MAP3K7CL: variants seen among roughly 807,000 people sequenced by gnomAD.
The protein encoded by MAP3K7CL is MAP3K7 C-terminal-like protein.
A neutral mutation model predicts 18.6 loss-of-function variants in MAP3K7CL; 16 were observed. That is an observed-to-expected ratio of 0.86 (90% CI 0.58 to 1.31). The LOEUF is 1.31. Ranked by LOEUF, MAP3K7CL falls within the 50% of genes most tolerant of loss-of-function variation. The pLI is 0.00. For missense variants in MAP3K7CL, 163 were observed against 174.4 expected (o/e 0.93, Z 0.37); for synonymous variants, 65 against 66.8 (o/e 0.97, Z 0.13).
intron 4 of MAP3K7CL, among the ~76,000 whole-genome samples, chr21:29,160,392 A>T (rs914489223): frequency 7.2e-5 from 11 of 152,256 alleles, no homozygotes; most frequent in African/African-American, 2.7e-4. Flanking sequence ...ATTTCTGCTT[A>T]AATGATGGCA....
intron 4 of MAP3K7CL, among the ~76,000 whole-genome samples, chr21:29,107,313 TA>T (rs1291761203): frequency 1.3e-5 from 2 of 151,702 alleles, no homozygotes; most frequent in Non-Finnish European, 2.9e-5. Flanking sequence ...AGACTCCATC[TA>T]AAAAAAGGAA....
At chr21:29,087,589 CTTTTTTTTTTT>C (rs56775764) in intron 1 of MAP3K7CL, among the ~76,000 whole-genome samples, 1 of 104,354 alleles carries the variant, frequency 9.6e-6, no homozygotes, top group Non-Finnish European at 1.8e-5. Context: ...TTTTCTTTTT[CTTTTTTTTTTT>C]TTTTTTTTTT....
chr21:29,141,545 C>A (rs928028910), intron 2 of MAP3K7CL, among the ~76,000 whole-genome samples: 20 of 151,858 alleles, frequency 1.3e-4, no homozygotes, highest in African/African-American at 4.6e-4. Flanking sequence ...GAGAAATTGT[C>A]CTTAACTGAA....
At chr21:29,119,236 G>A (rs960532199) in intron 4 of MAP3K7CL, among the ~76,000 whole-genome samples, 2 of 152,226 alleles carry the variant, frequency 1.3e-5, no homozygotes, top group Non-Finnish European at 2.9e-5. Context: ...AATAGTCAAC[G>A]ATGGTTATTT....
intron 1 of MAP3K7CL, among the ~76,000 whole-genome samples, chr21:29,086,475 A>C (rs2085928025): frequency 6.6e-6 from 1 of 152,132 alleles, no homozygotes; most frequent in African/African-American, 2.4e-5. Context: ...GCTCTGGGGG[A>C]AATTAAGGAA....
rs375458094 is a variant in MAP3K7CL, at chr21:29,093,641, C to T, written c.370+1060C>T. 1.6e-4 allele frequency among the ~76,000 whole-genome samples: 25 copies of T among 152,018 alleles called. No homozygotes were observed. The South Asian group carries it at 4.4e-3, about 27-fold the overall frequency. Reference sequence around the variant, plus strand: ...GGACTGCCGGCACCCGCCACCACGCCGGGCTAATTTTTTGTATTTTTTTTT... The same window carrying T: ...GGACTGCCGGCACCCGCCACCACGCTGGGCTAATTTTTTGTATTTTTTTTT... On this transcript the variant is annotated intron_variant, in intron 4 of 6. Coordinates refer to the MAP3K7CL transcript ENST00000286791.
At chr21:29,129,966 T>A (rs138333468), upstream of MAP3K7CL, among the ~76,000 whole-genome samples, 770 of 152,366 alleles carry the variant, frequency 5.1e-3, 5 homozygotes, top group South Asian at 9.7e-3. Context: ...TAGTGAGATA[T>A]CTTTCAGATC....
chr21:29,169,886 T>A lies in MAP3K7CL; in HGVS notation c.249-4826T>A, dbSNP rs1326505168. ...AGGCAACAGATGAGCTATGGTGGAC[T>A]CCAAAGTTATGACCTTTTAGGCTAT... On this transcript the variant is annotated intron_variant, in intron 4 of 4. Coordinates refer to ENST00000399928, the MANE Select transcript of MAP3K7CL (RefSeq NM_001286620.2). Among the ~76,000 whole-genome samples the A allele has an allele frequency of 4.6e-5, 7 of 152,358 alleles. No homozygotes were observed. In the South Asian group the frequency reaches 6.2e-4, roughly 14 times the overall value.
At chr21:29,101,410 G>T (rs1477837325) in intron 4 of MAP3K7CL, among the ~76,000 whole-genome samples, 1 of 152,078 alleles carries the variant, frequency 6.6e-6, no homozygotes, top group Non-Finnish European at 1.5e-5. Context: ...TAACATGTTT[G>T]TTTTGTTTTG....
At chr21:29,150,684 C>A (rs1309463021) in intron 3 of MAP3K7CL, among the ~76,000 whole-genome samples, 1 of 151,954 alleles carries the variant, frequency 6.6e-6, no homozygotes, top group East Asian at 1.9e-4. Flanking sequence ...TAATTTTTAA[C>A]CATAGTCTCT....
At chr21:29,096,344 A>G (rs2146515199) in intron 4 of MAP3K7CL, among the ~76,000 whole-genome samples, 1 of 152,322 alleles carries the variant, frequency 6.6e-6, no homozygotes, top group South Asian at 2.1e-4. Context: ...GATCTCACAA[A>G]GCTCAGAGTC....
intron 3 of MAP3K7CL, among the ~76,000 whole-genome samples, chr21:29,153,498 A>G (rs2146701198): frequency 6.6e-6 from 1 of 152,286 alleles, no homozygotes; most frequent in South Asian, 2.1e-4. Flanking sequence ...CCCAGGCCAG[A>G]GTGCAGTGGC....
intron 1 of MAP3K7CL, among the ~76,000 whole-genome samples, chr21:29,086,878 C>T (rs1048749521): frequency 6.6e-6 from 1 of 152,222 alleles, no homozygotes; most frequent in Non-Finnish European, 1.5e-5. Flanking sequence ...AGTATTCACT[C>T]TGCACATTGT....
intron 4 of MAP3K7CL, among the ~76,000 whole-genome samples, chr21:29,092,992 C>G (rs1002254613): frequency 3.3e-5 from 5 of 152,198 alleles, no homozygotes; most frequent in Non-Finnish European, 7.3e-5. Context: ...CCACCTCCAC[C>G]TCCTGGGTTC....
chr21:29,077,327 C>T (rs1216252658), upstream of MAP3K7CL: 1 of 153,184 alleles, frequency 6.5e-6, no homozygotes, highest in African/African-American at 2.4e-5. Flanking sequence ...TAAGGCCAGG[C>T]GAGAAATTGA....
chr21:29,105,196 C>T (rs2086299769), intron 4 of MAP3K7CL, among the ~76,000 whole-genome samples: 1 of 152,236 alleles, frequency 6.6e-6, no homozygotes, highest in South Asian at 2.1e-4. Context: ...ATGACCCCAT[C>T]ACTGGAAGTG....
rs150960884 is a variant in MAP3K7CL at position 29,155,615 on chromosome 21, G to A, written c.133-4326G>A. Among the ~76,000 whole-genome samples, 31 of 152,252 alleles carry A rather than the reference G, an allele frequency of 2.0e-4. No individual in the cohort carries two copies. In the Middle Eastern group the frequency reaches 0.01, roughly 50 times the overall value. ...CGGCATTCTTGGAACCGGACCCTGC[G>A]GTTTCTCTCTTACTTCATCTTGTTA... On this transcript the variant is annotated intron_variant, in intron 3 of 4. Coordinates refer to ENST00000399928, the MANE Select transcript of MAP3K7CL (RefSeq NM_001286620.2).
chr21:29,083,302 C>T (rs539275727), upstream of MAP3K7CL, among the ~76,000 whole-genome samples: 182 of 87,334 alleles, frequency 2.1e-3, no homozygotes, highest in African/African-American at 5.9e-3. Context: ...TGCCGTGCAG[C>T]ACATTCCCAT....
At chr21:29,122,449 CACGA>C (rs1174714923) in intron 4 of MAP3K7CL, among the ~76,000 whole-genome samples, 1 of 152,152 alleles carries the variant, frequency 6.6e-6, no homozygotes, top group Non-Finnish European at 1.5e-5. Flanking sequence ...AATCAGGTTG[CACGA>C]ACGAATTGAA....
Sources: gnomAD v4.1 joint callset for allele counts (sites outside exome capture counted in the v4.1 genomes callset) on GRCh38, gnomAD v4.1.1 for gene constraint, MANE v1.5 for transcripts, NCBI Gene and HGNC (gene_info 2026-07-23, HGNC 2026-07-21) for gene names.